Variants in STPG2 observed in about 807,000 individuals in gnomAD.
STPG2 encodes sperm tail PG-rich repeat containing 2.
In STPG2, 56 loss-of-function variants were observed where a neutral mutation model predicts 54.2. That is an observed-to-expected ratio of 1.03 (90% CI 0.83 to 1.29). STPG2 has a LOEUF of 1.29. Ranked by LOEUF, STPG2 falls within the 50% of genes most tolerant of loss-of-function variation. STPG2 has a pLI of 0.00. For synonymous variants in STPG2, 200 were observed against 181.8 expected, an observed-to-expected ratio of 1.10 and a Z score of -0.81; for missense variants, 596 against 544.9, an observed-to-expected ratio of 1.09 and a Z score of -0.93.
chr4:97,447,257 C>G lies in STPG2; in HGVS notation c.463-259424G>C, dbSNP rs150099656. On this transcript the variant is annotated intron_variant, in intron 4 of 4. Transcript: ENST00000522676. ...GAAATTGGAACTTACATTTAAAAGG[C>G]ACGTGGAGCATAAAAGTTTGAAAAA... Among the ~76,000 whole-genome samples the G allele has an allele frequency of 6.0e-3, 920 of 152,246 alleles. 5 individuals carry two copies. The highest frequency in any genetic ancestry group is 0.02 in the South Asian group (98 of 4,828).
At chr4:97,540,529 C>T (rs995716715) in intron 4 of STPG2, among the ~76,000 whole-genome samples, 3 of 152,104 alleles carry the variant, frequency 2.0e-5, no homozygotes, top group Non-Finnish European at 4.4e-5. Context: ...GATTCACAGC[C>T]GAATTCTACC....
chr4:97,746,197 T>G (rs975847649), intron 9 of STPG2, among the ~76,000 whole-genome samples: 1 of 151,256 alleles, frequency 6.6e-6, no homozygotes, highest in African/African-American at 2.4e-5. Flanking sequence ...GCCTTCTATA[T>G]ATTCTATTAC....
chr4:97,894,453 C>A (rs1730886390), intron 8 of STPG2, among the ~76,000 whole-genome samples: 1 of 151,854 alleles, frequency 6.6e-6, no homozygotes, highest in South Asian at 2.1e-4. Flanking sequence ...AAGAAAATTT[C>A]CTTTCTAAGA....
chr4:97,804,959 C>A, intron 9 of STPG2, among the ~76,000 whole-genome samples: 1 of 152,186 alleles, frequency 6.6e-6, no homozygotes, highest in South Asian at 2.1e-4. Flanking sequence ...AAGCTATATA[C>A]CATCTAGGTT....
At chr4:97,805,837 T>TAA (rs79439800) in intron 9 of STPG2, among the ~76,000 whole-genome samples, 3 of 130,068 alleles carry the variant, frequency 2.3e-5, no homozygotes, top group African/African-American at 8.4e-5. Context: ...TATTAAAAAG[T>TAA]AAAAAAAAAA....
intron 10 of STPG2, among the ~76,000 whole-genome samples, chr4:97,640,426 A>C (rs1369584720): frequency 3.3e-5 from 5 of 152,022 alleles, no homozygotes; most frequent in Non-Finnish European, 7.4e-5. Context: ...GGTACAGAAA[A>C]GTGAACATTC....
intron 10 of STPG2, among the ~76,000 whole-genome samples, chr4:97,642,252 C>A (rs985293410): frequency 2.0e-5 from 3 of 151,214 alleles, no homozygotes; most frequent in Non-Finnish European, 4.5e-5. Context: ...CATCAATAAA[C>A]CTCATAATTC....
chr4:97,743,650 G>C (rs891640817), intron 9 of STPG2, among the ~76,000 whole-genome samples: 10 of 151,602 alleles, frequency 6.6e-5, no homozygotes, highest in Admixed American at 6.6e-4. Flanking sequence ...GGGATACAAA[G>C]AGGAAAAATA....
intron 10 of STPG2, among the ~76,000 whole-genome samples, chr4:97,670,860 A>T (rs1459479431): frequency 6.6e-6 from 1 of 152,224 alleles, no homozygotes; most frequent in Admixed American, 6.5e-5. Flanking sequence ...AACAGGTCCC[A>T]TGTCATGTCA....
At chr4:97,461,255 TTA>T (rs753586852) in intron 4 of STPG2, among the ~76,000 whole-genome samples, 3,264 of 150,542 alleles carry the variant, frequency 0.022, 45 homozygotes, top group Middle Eastern at 0.038. Flanking sequence ...CTCTTTCTCT[TTA>T]TCTCTCTCTC....
At chr4:97,849,569 C>A (rs369491258) in intron 8 of STPG2, among the ~76,000 whole-genome samples, 1 of 151,744 alleles carries the variant, frequency 6.6e-6, no homozygotes, top group African/African-American at 2.4e-5. Context: ...CAAACAAATT[C>A]ACAAGAAAAA....
chr4:97,691,084 A>T (rs933952455), intron 10 of STPG2, among the ~76,000 whole-genome samples: 1 of 152,192 alleles, frequency 6.6e-6, no homozygotes, highest in Non-Finnish European at 1.5e-5. Flanking sequence ...TGGACAGAGC[A>T]GCATATGGAA....
intron 10 of STPG2, among the ~76,000 whole-genome samples, chr4:97,711,955 C>T (rs1724138345): frequency 6.6e-6 from 1 of 152,072 alleles, no homozygotes; most frequent in South Asian, 2.1e-4. Flanking sequence ...AGGCATGAGA[C>T]ACTGTGCCTG....
At chr4:97,863,404 T>C (rs769777178) in intron 8 of STPG2, among the ~76,000 whole-genome samples, 10 of 152,096 alleles carry the variant, frequency 6.6e-5, no homozygotes, top group Non-Finnish European at 8.8e-5. Context: ...CAGGAAGAAG[T>C]TGAATCTCTG....
At chr4:97,939,337 T>C (rs1732888418) in intron 8 of STPG2, among the ~76,000 whole-genome samples, 1 of 152,024 alleles carries the variant, frequency 6.6e-6, no homozygotes, top group Admixed American at 6.5e-5. Context: ...CATGGTCCAA[T>C]GTTGCATTTA....
At chr4:97,899,870 T>A (rs948345672) in intron 8 of STPG2, among the ~76,000 whole-genome samples, 2 of 152,024 alleles carry the variant, frequency 1.3e-5, no homozygotes, top group African/African-American at 4.8e-5. Flanking sequence ...TAAAAACCCT[T>A]GAAGACAACC....
At chr4:98,082,348 C>G (rs998461246) in intron 5 of STPG2, among the ~76,000 whole-genome samples, 3 of 123,446 alleles carry the variant, frequency 2.4e-5, no homozygotes, top group African/African-American at 6.4e-5. Context: ...ACAGGAGACC[C>G]AGAGCTGCAG....
chr4:97,537,525 G>T (rs1256630475), intron 4 of STPG2, among the ~76,000 whole-genome samples: 1 of 152,178 alleles, frequency 6.6e-6, no homozygotes, highest in Non-Finnish European at 1.5e-5. Context: ...TGAGGCTTCA[G>T]TAGGTAAACA....
chr4:98,002,703 A>G (rs574667965), intron 5 of STPG2, among the ~76,000 whole-genome samples: 1 of 152,092 alleles, frequency 6.6e-6, no homozygotes, highest in Non-Finnish European at 1.5e-5. Context: ...ACTACTTGTA[A>G]TTACCTAAGA....
Sources: gnomAD v4.1 joint callset for allele counts (sites outside exome capture counted in the v4.1 genomes callset) on GRCh38, gnomAD v4.1.1 for gene constraint, MANE v1.5 for transcripts, NCBI Gene and HGNC (gene_info 2026-07-23, HGNC 2026-07-21) for gene names.